Variants in CHAT observed in about 807,000 individuals in gnomAD.
CHAT encodes the protein choline O-acetyltransferase, also known as acetyl CoA:choline O-acetyltransferase.
CHAT carries 61 observed loss-of-function variants against 76.9 expected under a neutral mutation model. That is an observed-to-expected ratio of 0.79 (90% CI 0.65 to 0.98). The LOEUF (loss-of-function observed/expected upper bound fraction) is 0.98, where lower values mean the gene tolerates loss of function less well. Among genes scored for constraint, CHAT ranks in the 50% least tolerant of loss-of-function variants. The pLI is 0.00. For missense variants in CHAT, 946 were observed against 986.9 expected (o/e 0.96, Z 0.56); for synonymous variants, 407 against 397.4 (o/e 1.02, Z -0.29).
At chr10:49,611,921 T>C (rs771643697), upstream of CHAT, 2 of 1,612,508 alleles carry the variant, frequency 1.2e-6, no homozygotes, top group South Asian at 1.1e-5. Context: ...TGTTTTGGCA[T>C]AGCCCTAGTC....
upstream of CHAT, chr10:49,611,469 G>A (rs762711074): frequency 6.3e-7 from 1 of 1,599,292 alleles, no homozygotes; most frequent in Non-Finnish European, 8.5e-7. Flanking sequence ...GCAAGCGCGT[G>A]CCCTTCTTGG....
chr10:49,609,570 C>A (rs1838234642), upstream of CHAT, among the ~76,000 whole-genome samples: 2 of 152,044 alleles, frequency 1.3e-5, no homozygotes, highest in African/African-American at 4.8e-5. Context: ...AGGGCGGCAG[C>A]GGCCAGGCTA....
intron 4 of CHAT, among the ~76,000 whole-genome samples, chr10:49,621,433 G>A (rs567046510): frequency 3.3e-5 from 5 of 152,308 alleles, no homozygotes; most frequent in Admixed American, 1.3e-4. Flanking sequence ...TTGCATCTGA[G>A]GGGGTATTTT....
At chr10:49,611,763 C>A (rs1199213347), upstream of CHAT, 1 of 1,603,590 alleles carries the variant, frequency 6.2e-7, no homozygotes, top group South Asian at 1.1e-5. Flanking sequence ...ATGTGCTGGG[C>A]GTCTACCTCA....
rs1840314137 is a variant in CHAT at position 49,665,096 on chromosome 10, A to G, written c.*50A>G. On this transcript the variant is annotated 3_prime_UTR_variant, in exon 15 of 15. Transcript: ENST00000337653. Reference sequence around the variant, plus strand: ...CAAACCCAGCCTCTAGAACAGCCAGACCCTGCAGATCCCCACTCCCGTCCC... The same window carrying G: ...CAAACCCAGCCTCTAGAACAGCCAGGCCCTGCAGATCCCCACTCCCGTCCC... 6.2e-7 allele frequency: 1 copy of G among 1,605,054 alleles called. No homozygotes were observed. Among genetic ancestry groups the G allele is most frequent in the Non-Finnish European group, 8.5e-7 (1 of 1,174,520 alleles).
In CHAT at chr10:49,665,576, C is replaced by T. The variant is rs1235835890; in HGVS notation, c.*530C>T. 6.6e-6 allele frequency among the ~76,000 whole-genome samples: 1 copy of T among 151,994 alleles called. No individual in the cohort carries two copies. The highest frequency in any genetic ancestry group is 6.6e-5 in the Admixed American group (1 of 15,264). The stretch of plus-strand genomic sequence containing the variant: ...GGCATTCCCAGTGTCTCCACTGAGC[C>T]GTACAGTCCTACAAGCACCCACTCC... On this transcript the variant is annotated 3_prime_UTR_variant, in exon 15 of 15. Transcript: ENST00000337653.
chr10:49,656,298 T>G (rs1423997801), intron 13 of CHAT, among the ~76,000 whole-genome samples: 2 of 150,132 alleles, frequency 1.3e-5, no homozygotes, highest in South Asian at 2.1e-4. Context: ...TTTTTTTTTT[T>G]TTTTTTTTTT....
At position 49,625,621 on chromosome 10, in the gene CHAT, C is replaced by A; in HGVS notation, c.901C>A (p.Pro301Thr). 1.3e-6 allele frequency: 2 copies of A among 1,591,432 alleles called. No individual in the cohort carries two copies. Among genetic ancestry groups the A allele is most frequent in the Admixed American group, 1.8e-5 (1 of 56,586 alleles). ...TCAGAACAGCAGCATCATGCCGGAGCCTGAGCACGTCATCGTAGCCTGCTG... is the reference window on the plus strand; with the variant it reads ...TCAGAACAGCAGCATCATGCCGGAGACTGAGCACGTCATCGTAGCCTGCTG... The part of the protein sequence containing the change: ...VAQNSSIMPE[P>T]EHVIVACCNQ... Residue 301 changes from proline (P) to threonine (T), a missense_variant, in exon 6 of 15, where the codon CCT (proline) becomes ACT (threonine). By Grantham distance (38) the Pro-to-Thr change is conservative (BLOSUM62 -1). Transcript: ENST00000337653.
At chr10:49,612,365 C>T (rs1488272716), upstream of CHAT, 9 of 1,558,958 alleles carry the variant, frequency 5.8e-6, no homozygotes, top group South Asian at 1.1e-4. Context: ...TCCAGCCCAC[C>T]CAACCGCCTT....
rs191597992 is a variant in CHAT, at chr10:49,629,214, G to A, written c.1111+1429G>A. Among the ~76,000 whole-genome samples the A allele has an allele frequency of 7.6e-4, 116 of 152,336 alleles. 2 individuals are homozygous for A. Among genetic ancestry groups the A allele is most frequent in the East Asian group, 3.9e-4 (2 of 5,182 alleles). ...GCCTTGTCTGTTTGGTTTAATTTCT[G>A]AGAAACACAGTCTGGGCCCAGTTAC... On this transcript the variant is annotated intron_variant, in intron 7 of 14. Transcript: ENST00000337653.
chr10:49,610,647 C>T (rs905172223), upstream of CHAT: 2 of 1,283,808 alleles, frequency 1.6e-6, no homozygotes, highest in Non-Finnish European at 2.1e-6. Context: ...GCCAGGACAG[C>T]CTCCCCGAAG....
chr10:49,643,276 C>A (rs1277017178), intron 7 of CHAT, among the ~76,000 whole-genome samples: 1 of 152,250 alleles, frequency 6.6e-6, no homozygotes, highest in Non-Finnish European at 1.5e-5. Flanking sequence ...ATCCTGCATG[C>A]CCTCACCCAT....
intron 13 of CHAT, among the ~76,000 whole-genome samples, chr10:49,656,776 A>G (rs1313150112): frequency 6.6e-6 from 1 of 152,102 alleles, no homozygotes; most frequent in African/African-American, 2.4e-5. Context: ...GGGGGTGGGA[A>G]TGTTTGCTGA....
chr10:49,610,773 G>A, upstream of CHAT: 1 of 1,561,612 alleles, frequency 6.4e-7, no homozygotes, highest in Non-Finnish European at 8.7e-7. Flanking sequence ...GCCAGGCCCG[G>A]GCGGCGGCCA....
rs1838510959 is a variant in CHAT at position 49,616,715 on chromosome 10, G to GC, written c.387+116dup. 6.4e-6 allele frequency: 5 copies of GC among 778,510 alleles called. No individual in the cohort carries two copies. The Admixed American group carries it at 1.0e-4, about 16-fold the overall frequency. 48.2% of individuals were successfully genotyped at this position (778,510 alleles called of 1,614,324 possible). A position where few individuals can be genotyped will look rare whatever the true frequency, so the allele number is the denominator to read the frequency against. On this transcript the variant is annotated intron_variant, in intron 2 of 14. Transcript: ENST00000337653. Reference sequence around the variant, plus strand: ...CCAGCATTTGCCTGGCCCCAGCCCTGCCCTCTACTGGCACAAGGCCCAGGC... The same window carrying GC: ...CCAGCATTTGCCTGGCCCCAGCCCTGCCCCTCTACTGGCACAAGGCCCAGGC...
chr10:49,622,299 C>T, intron 5 of CHAT, 149 bp downstream of exon 5: 1 of 845,918 alleles, frequency 1.2e-6, no homozygotes, highest in South Asian at 1.4e-5. Context: ...ACTCCCCCAC[C>T]ATCAGGATGA....
intron 7 of CHAT, among the ~76,000 whole-genome samples, chr10:49,631,654 A>T (rs935173203): frequency 6.6e-6 from 1 of 152,192 alleles, no homozygotes; most frequent in African/African-American, 2.4e-5. Flanking sequence ...GAGGATGTGA[A>T]CTAGAAAGCC....
intron 7 of CHAT, among the ~76,000 whole-genome samples, chr10:49,635,948 A>G (rs1839280314): frequency 1.3e-5 from 2 of 152,226 alleles, no homozygotes; most frequent in African/African-American, 4.8e-5. Flanking sequence ...AAAAGGGAAT[A>G]AAAGGGATAC....
chr10:49,613,387 G>A (rs959051888), upstream of CHAT, among the ~76,000 whole-genome samples: 2 of 152,196 alleles, frequency 1.3e-5, no homozygotes, highest in African/African-American at 2.4e-5. Context: ...CAGCGGCCCA[G>A]GACTGTCAGG....
Sources: gnomAD v4.1 joint callset for allele counts (sites outside exome capture counted in the v4.1 genomes callset) on GRCh38, gnomAD v4.1.1 for gene constraint, MANE v1.5 for transcripts, NCBI Gene and HGNC (gene_info 2026-07-23, HGNC 2026-07-21) for gene names.